ERBB4: variants seen among roughly 807,000 people sequenced by gnomAD.
ERBB4 encodes receptor tyrosine-protein kinase erbB-4.
In ERBB4, 42 loss-of-function variants were observed where a neutral mutation model predicts 158.0. That is an observed-to-expected ratio of 0.27 (90% confidence interval 0.21 to 0.34). The LOEUF (loss-of-function observed/expected upper bound fraction) is 0.34, where lower values mean the gene tolerates loss of function less well. ERBB4 is among the 10% of genes least tolerant of loss of function. The pLI, the probability that ERBB4 is intolerant of heterozygous loss-of-function variation, is 1.00. For synonymous variants in ERBB4, 583 were observed against 558.7 expected (o/e 1.04, Z -0.61); for missense variants, 1,333 against 1,624.1 (o/e 0.82, Z 3.08).
chr2:211,389,872 AC>A (rs2062765542), intron 25 of ERBB4, among the ~76,000 whole-genome samples: 1 of 152,230 alleles, frequency 6.6e-6, no homozygotes, highest in African/African-American at 2.4e-5. Flanking sequence ...TATATCAATC[AC>A]ATTTAAATAT....
At chr2:211,518,394 T>TAG (rs3067990) in intron 20 of ERBB4, among the ~76,000 whole-genome samples, 108,344 of 151,770 alleles carry the variant, frequency 0.71, 39,640 homozygotes, top group African/African-American at 0.89. Context: ...AGAAAAGAGT[T>TAG]TGTGTAATCC....
intron 7 of ERBB4, among the ~76,000 whole-genome samples, chr2:211,717,235 C>T (rs1324747420): frequency 6.6e-6 from 1 of 152,064 alleles, no homozygotes; most frequent in African/African-American, 2.4e-5. Flanking sequence ...ATCATTTAGC[C>T]CCATCCTGCA....
intron 1 of ERBB4, among the ~76,000 whole-genome samples, chr2:212,470,744 T>C (rs1247888441): frequency 6.6e-6 from 1 of 152,072 alleles, no homozygotes; most frequent in Non-Finnish European, 1.5e-5. Context: ...CTTCAACCCT[T>C]TGGGGGAATA....
chr2:212,265,599 A>T (rs186412549), intron 1 of ERBB4, among the ~76,000 whole-genome samples: 133 of 152,130 alleles, frequency 8.7e-4, no homozygotes, highest in Admixed American at 1.4e-3. Flanking sequence ...CAAAGATGAC[A>T]CTGTCCTCCC....
intron 1 of ERBB4, among the ~76,000 whole-genome samples, chr2:212,307,820 T>G (rs544644166): frequency 1.3e-5 from 2 of 151,120 alleles, no homozygotes; most frequent in East Asian, 3.9e-4. Context: ...ATTAAAATAT[T>G]TGATTTTCTT....
rs548721747 is a variant in ERBB4 at position 212,254,342 on chromosome 2, C to A, written c.83-129439G>T. On this transcript the variant is annotated intron_variant, in intron 1 of 27. Transcript: ENST00000342788. ...AAGGAATGAAGATTAAGTTAAAATG[C>A]GGACAGCTATGTTGAATCTGACACA... Among the ~76,000 whole-genome samples the A allele has an allele frequency of 9.9e-5, 15 of 152,238 alleles. No individual in the cohort carries two copies. In the South Asian group the frequency reaches 3.1e-3, roughly 32 times the overall value.
intron 16 of ERBB4, among the ~76,000 whole-genome samples, chr2:211,640,482 A>G (rs1386076409): frequency 6.6e-6 from 1 of 152,152 alleles, no homozygotes; most frequent in Admixed American, 6.6e-5. Flanking sequence ...TAGATATTTT[A>G]TATGTGTTAT....
At chr2:211,884,569 C>T (rs1002238075) in intron 3 of ERBB4, among the ~76,000 whole-genome samples, 1 of 152,122 alleles carries the variant, frequency 6.6e-6, no homozygotes, top group African/African-American at 2.4e-5. Context: ...CCATAAGGAA[C>T]CCCTAGATGT....
chr2:212,511,622 C>T (rs1482840074), intron 1 of ERBB4, among the ~76,000 whole-genome samples: 4 of 151,630 alleles, frequency 2.6e-5, no homozygotes, highest in East Asian at 1.9e-4. Context: ...TTTTTTCAAA[C>T]GTATTTATTT....
chr2:211,946,139 A>G (rs562502807), intron 3 of ERBB4, among the ~76,000 whole-genome samples: 100 of 152,214 alleles, frequency 6.6e-4, no homozygotes, highest in African/African-American at 2.2e-3. Context: ...ATGTTGATGA[A>G]GGAATCTATA....
chr2:212,353,744 A>C (rs1370368053), intron 1 of ERBB4, among the ~76,000 whole-genome samples: 1 of 152,120 alleles, frequency 6.6e-6, no homozygotes, highest in African/African-American at 2.4e-5. Flanking sequence ...ATCAGGCTGT[A>C]GAGTTAAGTG....
At chr2:211,947,005 A>G (rs1575419229) in intron 3 of ERBB4, among the ~76,000 whole-genome samples, 1 of 152,138 alleles carries the variant, frequency 6.6e-6, no homozygotes, top group Admixed American at 6.6e-5. Context: ...TATATTTTCT[A>G]AAAATAAGGT....
intron 1 of ERBB4, among the ~76,000 whole-genome samples, chr2:212,389,874 T>C (rs771117117): frequency 1.1e-4 from 16 of 151,868 alleles, no homozygotes; most frequent in Non-Finnish European, 2.1e-4. Flanking sequence ...GCTGATGTTA[T>C]TAAAATGGTA....
intron 3 of ERBB4, among the ~76,000 whole-genome samples, chr2:211,866,069 G>C (rs897865428): frequency 6.6e-6 from 1 of 152,150 alleles, no homozygotes; most frequent in East Asian, 1.9e-4. Flanking sequence ...GGCTAACACA[G>C]TGAAACCCTG....
At chr2:211,404,963 GAATT>G (rs2063118623) in intron 25 of ERBB4, among the ~76,000 whole-genome samples, 1 of 152,038 alleles carries the variant, frequency 6.6e-6, no homozygotes, top group Non-Finnish European at 1.5e-5. Flanking sequence ...GAAGTGGTGA[GAATT>G]AATAAAATGT....
chr2:211,956,861 T>C (rs1405397411), intron 2 of ERBB4, among the ~76,000 whole-genome samples: 3 of 151,990 alleles, frequency 2.0e-5, no homozygotes, highest in African/African-American at 7.2e-5. Context: ...ATGAGACAGA[T>C]TCTTGCTCTG....
chr2:212,470,855 T>C (rs1344179673), intron 1 of ERBB4, among the ~76,000 whole-genome samples: 1 of 152,102 alleles, frequency 6.6e-6, no homozygotes, highest in Non-Finnish European at 1.5e-5. Context: ...AAGGAACATT[T>C]CTTTAAAAAG....
At chr2:211,892,884 C>G (rs1457036484) in intron 3 of ERBB4, among the ~76,000 whole-genome samples, 1 of 142,502 alleles carries the variant, frequency 7.0e-6, no homozygotes, top group Non-Finnish European at 1.5e-5. Flanking sequence ...AGGAGAACTA[C>G]AAACCACTGC....
At chr2:211,959,574 T>C (rs2081125786) in intron 2 of ERBB4, among the ~76,000 whole-genome samples, 1 of 152,140 alleles carries the variant, frequency 6.6e-6, no homozygotes, top group African/African-American at 2.4e-5. Context: ...TTCAGGACTT[T>C]CAAGTAAACA....
Sources: allele counts gnomAD v4.1 joint callset (sites outside exome capture counted in the v4.1 genomes callset), GRCh38; gene constraint gnomAD v4.1.1; transcripts MANE v1.5; gene names NCBI Gene and HGNC (gene_info 2026-07-23, HGNC 2026-07-21).